The following LPA variants were observed in gnomAD, a reference collection of about 807,000 sequenced individuals.
LPA encodes apolipoprotein(a).
In LPA, 199 loss-of-function variants were observed where a neutral mutation model predicts 197.9. That is an observed-to-expected ratio of 1.01 (90% CI 0.90 to 1.13). LPA has a LOEUF of 1.13. Ranked by LOEUF, LPA falls within the 50% of genes most tolerant of loss-of-function variation. The pLI is 0.00. For synonymous variants in LPA, 715 were observed against 639.5 expected, an observed-to-expected ratio of 1.12 and a Z score of -1.78; for missense variants, 1,853 against 1,785.8, an observed-to-expected ratio of 1.04 and a Z score of -0.68.
chr6:160,634,790 T>C (rs1393064835), intron 7 of LPA, among the ~76,000 whole-genome samples: 1 of 150,586 alleles, frequency 6.6e-6, no homozygotes, highest in East Asian at 1.9e-4. Flanking sequence ...CAGAAAAGCT[T>C]ACTGCGACAG....
At chr6:160,534,508 A>T (rs1777855652) in intron 37 of LPA, among the ~76,000 whole-genome samples, 1 of 152,126 alleles carries the variant, frequency 6.6e-6, no homozygotes, top group Non-Finnish European at 1.5e-5. Context: ...TGCAGATGAG[A>T]CTTACATGGA....
At chr6:160,545,219 A>G (rs1173591130) in intron 33 of LPA, among the ~76,000 whole-genome samples, 1 of 150,766 alleles carries the variant, frequency 6.6e-6, no homozygotes, top group Non-Finnish European at 1.5e-5. Flanking sequence ...TATTTTATTT[A>G]TGTGTGTGTG....
intron 36 of LPA, 92 bp from the exon 37 acceptor site, chr6:160,538,053 C>T (rs1777920853): frequency 8.6e-6 from 9 of 1,042,482 alleles, no homozygotes; most frequent in Non-Finnish European, 1.3e-5. Context: ...GCCCCAGAGC[C>T]CTCTGAGCTG....
Position 160,556,154 on chromosome 6 carries a change from T to G in LPA, c.4844A>C (p.Gln1615Pro). The G allele has an allele frequency of 1.2e-6, 2 of 1,614,002 alleles. No homozygotes were observed. The highest frequency in any genetic ancestry group is 1.7e-6 in the Non-Finnish European group (2 of 1,179,956). ...APTEQTPVVR[Q>P]CYHGNGQSYR... is the part of the protein sequence containing the mutation. ...ACTCTGGCCATTACCATGGTAGCACTGCCGGACCACAGGGGTTTGCTCAGT... is the reference window on the plus strand; with the variant it reads ...ACTCTGGCCATTACCATGGTAGCACGGCCGGACCACAGGGGTTTGCTCAGT... Residue 1615 changes from glutamine (Q) to proline (P), a missense_variant, in exon 30 of 39, where the codon CAG becomes CCG. Gln to Pro is a moderately conservative substitution (Grantham distance 76). Coordinates refer to ENST00000316300, the MANE Select transcript of LPA (RefSeq NM_005577.4).
intron 30 of LPA, among the ~76,000 whole-genome samples, chr6:160,554,168 C>T (rs1477637104): frequency 1.3e-5 from 2 of 152,074 alleles, no homozygotes; most frequent in East Asian, 3.8e-4. Flanking sequence ...TTGTTTCCCT[C>T]ATGTTCATGT....
intron 14 of LPA, among the ~76,000 whole-genome samples, chr6:160,615,323 GTGT>G: frequency 9.1e-6 from 1 of 109,694 alleles, no homozygotes; most frequent in Admixed American, 1.3e-4. Context: ...GAGTTTCTGC[GTGT>G]GTGTGAGTAT....
rs530223802 is a variant in LPA, at chr6:160,576,320, ATGTGTGTG to A, written c.4631+808_4631+815del. ...GCCCAGTGTGTTTATACCTGTATGT[ATGTGTGTG>A]TGTGTGTGTGTGTATATATATATAT... On this transcript the variant is annotated intron_variant, in intron 28 of 38. Transcript: ENST00000316300. 2.6e-3 allele frequency among the ~76,000 whole-genome samples: 156 copies of A among 59,068 alleles called. 2 individuals are homozygous for A. Among genetic ancestry groups the A allele is most frequent in the African/African-American group, 8.4e-3 (114 of 13,580 alleles). The allele number at this position is 59,068 out of a possible 152,430, so 38.8% of individuals were successfully genotyped here.
At chr6:160,590,363 A>G (rs950380695) in intron 23 of LPA, among the ~76,000 whole-genome samples, 12 of 152,206 alleles carry the variant, frequency 7.9e-5, no homozygotes, top group Non-Finnish European at 1.5e-5. Context: ...AGGAGGGGCA[A>G]GAACACTAAG....
At chr6:160,586,046 C>T (rs1321881927) in intron 25 of LPA, among the ~76,000 whole-genome samples, 1 of 152,092 alleles carries the variant, frequency 6.6e-6, no homozygotes, top group East Asian at 1.9e-4. Flanking sequence ...TCAAAAATGG[C>T]ATTCCTTCAA....
chr6:160,586,442 T>C lies in LPA; in HGVS notation c.4129+7A>G. The C allele has an allele frequency of 6.2e-7, 1 of 1,613,412 alleles. No individual in the cohort carries two copies. Among genetic ancestry groups the C allele is most frequent in the Middle Eastern group, 1.7e-4 (1 of 6,044 alleles). On this transcript the variant is annotated splice_region_variant and intron_variant, in intron 25 of 38. Coordinates refer to ENST00000316300, the MANE Select transcript of LPA (RefSeq NM_005577.4). ...AGGGTATGGTTGTCTGACTGCAGGC[T>C]TCTTACCTTCTTCAGAAGGAAGCTC... is the stretch of plus-strand genomic sequence containing the variant.
At chr6:160,647,406 G>A (rs943647877) in intron 2 of LPA, among the ~76,000 whole-genome samples, 5 of 152,132 alleles carry the variant, frequency 3.3e-5, no homozygotes, top group African/African-American at 1.2e-4. Context: ...TGAGAAAATG[G>A]GAAATGTATT....
At position 160,563,905 on chromosome 6, in the gene LPA, C is replaced by A. The variant is rs146535455; in HGVS notation, c.4632-6334G>T. On this transcript the variant is annotated intron_variant, in intron 28 of 38. Coordinates refer to ENST00000316300, the MANE Select transcript of LPA (RefSeq NM_005577.4). ...TGCAACCGCTGCTTTTTTTTTCTTT[C>A]CATTTGCTTGGTAAATATTCCTTCA... Among the ~76,000 whole-genome samples the A allele has an allele frequency of 8.6e-3, 1,295 of 151,376 alleles. 16 individuals are homozygous for A. Among genetic ancestry groups the A allele is most frequent in the African/African-American group, 0.03 (1,247 of 41,338 alleles).
chr6:160,581,119 C>T (rs1303887063), intron 26 of LPA, among the ~76,000 whole-genome samples: 2 of 152,094 alleles, frequency 1.3e-5, no homozygotes, highest in Non-Finnish European at 2.9e-5. Context: ...TCAAGCGTCA[C>T]ATTTGTTATA....
chr6:160,606,492 C>T lies in LPA; in HGVS notation c.2770G>A (p.Ala924Thr), dbSNP rs375318299. The T allele has an allele frequency of 1.2e-6, 2 of 1,613,426 alleles. No individual in the cohort carries two copies. Among genetic ancestry groups the T allele is most frequent in the African/African-American group, 1.3e-5 (1 of 74,994 alleles). The change falls in exon 17 of 39, where the codon GCT (alanine) becomes ACT (threonine). Residue 924 changes from alanine to threonine, a missense_variant. Physicochemically the swap from Ala to Thr is moderately conservative, Grantham distance 58 (BLOSUM62 0). Coordinates refer to ENST00000316300, the MANE Select transcript of LPA (RefSeq NM_005577.4). ...PTITPIPSLE[A>T]PSEQAPTEQR... The stretch of plus-strand genomic sequence containing the variant: ...GGCTCCTTACCTTGTTCAGAAGGAG[C>T]CTCTAGGCTTGGAATCGGGGTAATA...
At chr6:160,576,607 TTAAA>T (rs1215824933) in intron 28 of LPA, among the ~76,000 whole-genome samples, 33 of 143,838 alleles carry the variant, frequency 2.3e-4, no homozygotes, top group African/African-American at 8.4e-4. Flanking sequence ...ATGCAAAAAT[TTAAA>T]TATAAGTTTT....
At chr6:160,646,926 C>T (rs967132586) in intron 2 of LPA, among the ~76,000 whole-genome samples, 1 of 151,850 alleles carries the variant, frequency 6.6e-6, no homozygotes, top group Admixed American at 6.6e-5. Flanking sequence ...ACTCCATGTA[C>T]TCAAAACCTA....
In LPA at chr6:160,548,539, C is replaced by A. The variant is rs1778116661; in HGVS notation, c.5094G>T (p.Gly1698=). The A allele has an allele frequency of 6.2e-7, 1 of 1,613,974 alleles. No homozygotes were observed. Among genetic ancestry groups the A allele is most frequent in the Non-Finnish European group, 8.5e-7 (1 of 1,180,014 alleles). ...CNLTRCSDTE[G]TVVAPPTVIQ... is the part of the protein sequence containing the mutation. The stretch of plus-strand genomic sequence containing the variant: ...TGACAGTCGGAGGAGCGACCACAGT[C>A]CCTTCTGTGTCTGAGCATCGCGTCA... Residue 1698 remains glycine (G), a synonymous_variant, in exon 31 of 39, where the codon GGG becomes GGT. Coordinates refer to ENST00000316300, the MANE Select transcript of LPA (RefSeq NM_005577.4).
intron 19 of LPA, among the ~76,000 whole-genome samples, chr6:160,600,573 C>T (rs1467973156): frequency 6.6e-6 from 1 of 152,044 alleles, no homozygotes; most frequent in Non-Finnish European, 1.5e-5. Context: ...TGAAGAAATC[C>T]CTGGAAAAGT....
At chr6:160,589,471 A>G in intron 24 of LPA, 82 bp downstream of exon 24, 2 of 1,542,410 alleles carry the variant, frequency 1.3e-6, no homozygotes, top group Non-Finnish European at 1.8e-6. Context: ...TTGGGTCATA[A>G]GAAGTTAGCT....
Sources: allele counts gnomAD v4.1 joint callset (sites outside exome capture counted in the v4.1 genomes callset), GRCh38; gene constraint gnomAD v4.1.1; transcripts MANE v1.5; gene names NCBI Gene and HGNC (gene_info 2026-07-23, HGNC 2026-07-21).